The following SCMH1 variants were observed in gnomAD, a reference collection of about 807,000 sequenced individuals.
The protein encoded by SCMH1 is polycomb protein SCMH1.
In SCMH1, 37 loss-of-function variants were observed where a neutral mutation model predicts 70.8. The observed-to-expected ratio is 0.52, with a 90% CI of 0.40 to 0.69. The LOEUF (loss-of-function observed/expected upper bound fraction) is 0.69. Ranked by LOEUF, SCMH1 falls within the 30% of genes least tolerant of loss-of-function variation. SCMH1 has a pLI of 0.00. For missense variants in SCMH1, 607 were observed against 827.3 expected, an observed-to-expected ratio of 0.73 and a Z score of 3.27; for synonymous variants, 292 against 307.4, an observed-to-expected ratio of 0.95 and a Z score of 0.52.
At chr1:41,068,965 G>A (rs748915659) in intron 10 of SCMH1, among the ~76,000 whole-genome samples, 1 of 152,142 alleles carries the variant, frequency 6.6e-6, no homozygotes, top group Non-Finnish European at 1.5e-5. Context: ...TTCTTCTAGA[G>A]TATGACATGG....
intron 1 of SCMH1, among the ~76,000 whole-genome samples, chr1:41,238,015 A>T (rs541570729): frequency 1.3e-5 from 2 of 152,290 alleles, no homozygotes; most frequent in African/African-American, 4.8e-5. Context: ...TTTTCATGTA[A>T]TATTTGTGAT....
chr1:41,050,729 T>C lies in SCMH1; in HGVS notation c.1106-1839A>G, dbSNP rs1647804617. 3.3e-5 allele frequency among the ~76,000 whole-genome samples: 5 copies of C among 152,338 alleles called. 1 individual carries two copies. Among genetic ancestry groups the C allele is most frequent in the African/African-American group, 1.2e-4 (5 of 41,570 alleles). The stretch of plus-strand genomic sequence containing the variant: ...GAAAGCGGACTGGAAACGTAGCGAC[T>C]GACTCAACAGACCCAACAAAGCTGT... On this transcript the variant is annotated intron_variant, in intron 10 of 14. Coordinates refer to ENST00000337495, the Ensembl canonical transcript of SCMH1.
intron 6 of SCMH1, among the ~76,000 whole-genome samples, chr1:41,117,714 A>C (rs1278501199): frequency 6.6e-6 from 1 of 152,166 alleles, no homozygotes; most frequent in African/African-American, 2.4e-5. Context: ...GAAAGTACTA[A>C]AAGTCTCTGA....
intron 12 of SCMH1, among the ~76,000 whole-genome samples, chr1:41,044,093 C>T (rs1056928850): frequency 6.6e-6 from 1 of 152,044 alleles, no homozygotes; most frequent in Non-Finnish European, 1.5e-5. Context: ...GGTAGGAAAG[C>T]TTAATGGGAT....
At chr1:41,064,578 C>T (rs1295311997) in intron 10 of SCMH1, among the ~76,000 whole-genome samples, 7 of 152,124 alleles carry the variant, frequency 4.6e-5, no homozygotes, top group African/African-American at 1.7e-4. Flanking sequence ...AAGTCAATCA[C>T]TTTCCTATAT....
exon 15 of SCMH1, chr1:41,028,080 G>C: frequency 7.5e-7 from 1 of 1,333,322 alleles, no homozygotes; most frequent in African/African-American, 1.5e-5. Context: ...GCCTCTTGGA[G>C]TCCTGAGGTG....
intron 14 of SCMH1, 44 bp from the exon 16 acceptor site, chr1:41,028,363 C>CA (rs1644023802): frequency 2.5e-6 from 4 of 1,609,040 alleles, no homozygotes; most frequent in Non-Finnish European, 3.4e-6. Context: ...GAGGCACCAT[C>CA]AGAGTCCTGG....
At chr1:41,086,751 A>G (rs1050443938) in intron 8 of SCMH1, among the ~76,000 whole-genome samples, 3 of 152,020 alleles carry the variant, frequency 2.0e-5, no homozygotes, top group Admixed American at 6.6e-5. Context: ...AACAACAGCA[A>G]CAACAACAAA....
intron 6 of SCMH1, among the ~76,000 whole-genome samples, chr1:41,139,036 G>A (rs1267449540): frequency 6.6e-6 from 1 of 152,142 alleles, no homozygotes; most frequent in Non-Finnish European, 1.5e-5. Context: ...AGAATGGTAT[G>A]CCTTTTATTC....
intron 1 of SCMH1, among the ~76,000 whole-genome samples, chr1:41,206,632 A>C (rs1465483117): frequency 1.3e-5 from 2 of 152,248 alleles, no homozygotes; most frequent in African/African-American, 4.8e-5. Context: ...GATATTATCC[A>C]GGAGAACTTC....
rs1347186819 is a variant in SCMH1, at chr1:41,161,478, T to C, written c.14-46A>G. Reference sequence around the variant, plus strand: ...AGTCATGTGGAAAGAAAGTATAAGATTAAATACTTTTCCAATTTGGCAGTA... The same window carrying C: ...AGTCATGTGGAAAGAAAGTATAAGACTAAATACTTTTCCAATTTGGCAGTA... On this transcript the variant is annotated intron_variant, in intron 2 of 14. Coordinates refer to ENST00000337495, the Ensembl canonical transcript of SCMH1. The C allele has an allele frequency of 7.3e-6, 11 of 1,513,162 alleles. 1 individual carries two copies. In the South Asian group the frequency reaches 7.7e-5, roughly 11 times the overall value. 93.7% of individuals were successfully genotyped at this position (1,513,162 alleles called of 1,614,324 possible). A position where few individuals can be genotyped will look rare whatever the true frequency, so the allele number is the denominator to read the frequency against.
intron 8 of SCMH1, among the ~76,000 whole-genome samples, chr1:41,094,094 C>G (rs941670624): frequency 1.3e-5 from 2 of 152,146 alleles, no homozygotes; most frequent in Admixed American, 6.5e-5. Flanking sequence ...CAGTACGCAC[C>G]AGAATTGCAC....
At chr1:41,137,468 C>T (rs889276209) in intron 6 of SCMH1, among the ~76,000 whole-genome samples, 4 of 152,006 alleles carry the variant, frequency 2.6e-5, no homozygotes, top group African/African-American at 9.7e-5. Context: ...CATACACCTA[C>T]GATCTACCTG....
In SCMH1 at chr1:41,113,568, A is replaced by T. The variant is rs1354009621; in HGVS notation, c.502-42T>A. ...AACATACACACCTAGACACAAAGAG[A>T]GGCCATTATGCCAATAGACTACTAT... On this transcript the variant is annotated intron_variant, in intron 7 of 14. Coordinates refer to ENST00000337495, the Ensembl canonical transcript of SCMH1. The surrounding 1 kb of genome is among the most constrained non-coding windows in gnomAD (Gnocchi z 4.3). The T allele has an allele frequency of 6.4e-7, 1 of 1,574,590 alleles. No homozygotes were observed. Among genetic ancestry groups the T allele is most frequent in the African/African-American group, 1.4e-5 (1 of 73,302 alleles).
chr1:41,091,155 A>G (rs1422690208), intron 8 of SCMH1, among the ~76,000 whole-genome samples: 1 of 152,180 alleles, frequency 6.6e-6, no homozygotes, highest in Non-Finnish European at 1.5e-5. Flanking sequence ...TGGCAAACCG[A>G]ATCCAGCAGC....
At chr1:41,132,117 C>T (rs868134511) in intron 6 of SCMH1, among the ~76,000 whole-genome samples, 5 of 152,152 alleles carry the variant, frequency 3.3e-5, no homozygotes, top group African/African-American at 7.2e-5. Flanking sequence ...CTTGAAGAAT[C>T]GCGACACTGT....
In SCMH1 at chr1:41,064,189, C is replaced by T. The variant is rs187902015; in HGVS notation, c.1105+6406G>A. Among the ~76,000 whole-genome samples the T allele has an allele frequency of 3.7e-3, 568 of 152,052 alleles. 2 individuals carry two copies. The highest frequency in any genetic ancestry group is 5.5e-3 in the Non-Finnish European group (371 of 67,956). ...TGCAGAAAAAGGATGTGACAATATC[C>T]AACACTCATTCATAATAAAAACTAT... On this transcript the variant is annotated intron_variant, in intron 10 of 14. Coordinates refer to ENST00000337495, the Ensembl canonical transcript of SCMH1.
At chr1:41,202,209 T>C (rs1654515230) in intron 1 of SCMH1, among the ~76,000 whole-genome samples, 1 of 152,108 alleles carries the variant, frequency 6.6e-6, no homozygotes, top group South Asian at 2.1e-4. Flanking sequence ...CTAATTTTCG[T>C]ATTTTTAGTA....
At chr1:41,237,566 T>C (rs1206746545) in intron 1 of SCMH1, among the ~76,000 whole-genome samples, 1 of 152,338 alleles carries the variant, frequency 6.6e-6, no homozygotes, top group South Asian at 2.1e-4. Flanking sequence ...GGATCTTTAA[T>C]ACCAATGCCC....
Sources: gnomAD v4.1 joint callset for allele counts (sites outside exome capture counted in the v4.1 genomes callset) on GRCh38, gnomAD v4.1.1 for gene constraint, Gnocchi (gnomAD v3.1) non-coding constraint, MANE v1.5 for transcripts, NCBI Gene and HGNC (gene_info 2026-07-23, HGNC 2026-07-21) for gene names.